EVC2: variants seen among roughly 807,000 people sequenced by gnomAD.
EVC2 encodes the protein EvC ciliary complex subunit 2.
A neutral mutation model predicts 149.3 loss-of-function variants in EVC2; 148 were observed. The ratio of observed to expected loss-of-function variants is 0.99; its 90% CI spans 0.87 to 1.14. The LOEUF (loss-of-function observed/expected upper bound fraction) is 1.14. Ranked by LOEUF, EVC2 falls within the 50% of genes most tolerant of loss-of-function variation. The probability of loss-of-function intolerance (pLI) is 0.00; values close to 1 mark genes in which losing one functional copy is unlikely to be tolerated. For missense variants in EVC2, 1,854 were observed against 1,627.3 expected, an observed-to-expected ratio of 1.14 and a Z score of -2.40; for synonymous variants, 776 against 649.9, an observed-to-expected ratio of 1.19 and a Z score of -2.95.
At chr4:5,552,503 A>T (rs577037665) in intron 21 of EVC2, among the ~76,000 whole-genome samples, 1 of 152,232 alleles carries the variant, frequency 6.6e-6, no homozygotes, top group Non-Finnish European at 1.5e-5. Flanking sequence ...TGACTTCAAA[A>T]TACCCTGGAA....
rs551456049 is a variant in EVC2, at chr4:5,600,758, G to A, written c.2829+14664C>T. 2.6e-5 allele frequency among the ~76,000 whole-genome samples: 4 copies of A among 152,314 alleles called. No homozygotes were observed. The East Asian group carries it at 7.7e-4, about 29-fold the overall frequency. ...CTAGAAGTGGGAGGTAAAAGATGGA[G>A]CTAAAACAGAAGAAAAGGATAAACA... On this transcript the variant is annotated intron_variant, in intron 16 of 21. Transcript: ENST00000344408.
In EVC2 at chr4:5,694,345, G is replaced by A; in HGVS notation, c.440C>T (p.Thr147Ile). Reference sequence around the variant, plus strand: ...GAACTTAATACTTACCAGGCGGTGTGTTATAGGAGACTCTCTTTTAAATAA... The same window carrying A: ...GAACTTAATACTTACCAGGCGGTGTATTATAGGAGACTCTCTTTTAAATAA... ...KNLFKRESPI[T>I]HRLYGDISRE... The change falls in exon 3 of 22, where the codon ACA becomes ATA. Residue 147 changes from threonine (T) to isoleucine (I), a missense_variant. By Grantham distance (89) the Thr-to-Ile change is moderately conservative (BLOSUM62 -1). Transcript: ENST00000344408. The A allele has an allele frequency of 1.2e-6, 2 of 1,614,012 alleles. No individual in the cohort carries two copies. The highest frequency in any genetic ancestry group is 1.7e-6 in the Non-Finnish European group (2 of 1,179,946).
At chr4:5,644,696 C>G (rs543678989) in intron 9 of EVC2, among the ~76,000 whole-genome samples, 1 of 152,132 alleles carries the variant, frequency 6.6e-6, no homozygotes, top group Non-Finnish European at 1.5e-5. Flanking sequence ...CTTCCCATAC[C>G]TGGGCTCCAG....
Position 5,689,694 on chromosome 4 carries a change from G to C in EVC2, c.520-351C>G, listed in dbSNP as rs529963112. Among the ~76,000 whole-genome samples, 4 of 152,300 alleles carry C rather than the reference G, an allele frequency of 2.6e-5. No individual in the cohort carries two copies. In the East Asian group the frequency reaches 5.8e-4, roughly 22 times the overall value. ...GTTACCAAGCAAACAATGGCTCCTT[G>C]GTACTTAGTTATTTTGAAGATTCAG... On this transcript the variant is annotated intron_variant, in intron 4 of 21. Transcript: ENST00000344408.
chr4:5,647,542 A>C (rs1286395639), intron 9 of EVC2, among the ~76,000 whole-genome samples: 1 of 152,362 alleles, frequency 6.6e-6, no homozygotes, highest in Admixed American at 6.5e-5. Context: ...CAGGTTACAA[A>C]GCAAGAAAGA....
chr4:5,693,619 C>T (rs1721269506), intron 3 of EVC2, among the ~76,000 whole-genome samples: 1 of 152,230 alleles, frequency 6.6e-6, no homozygotes, highest in Non-Finnish European at 1.5e-5. Context: ...AAAATACATT[C>T]CTGTTGTTTT....
intron 16 of EVC2, among the ~76,000 whole-genome samples, chr4:5,612,922 CAAAAAAAAAAAAAAAAA>C (rs34505528): frequency 3.7e-5 from 1 of 26,800 alleles, no homozygotes; most frequent in Non-Finnish European, 6.8e-5. Flanking sequence ...ACTCTGTCTC[CAAAAAAAAAAAAAAAAA>C]AAAAAAAAAA....
Position 5,631,841 on chromosome 4 carries a change from C to A in EVC2, c.1662G>T (p.Leu554Phe). 2 of 1,614,188 alleles carry A rather than the reference C, an allele frequency of 1.2e-6. No individual in the cohort carries two copies. Among genetic ancestry groups the A allele is most frequent in the Non-Finnish European group, 1.7e-6 (2 of 1,179,994 alleles). The change falls in exon 11 of 22, where the codon TTG becomes TTT. Residue 554 changes from leucine to phenylalanine, a missense_variant. By Grantham distance (22) the Leu-to-Phe change is conservative. Coordinates refer to ENST00000344408, the MANE Select transcript of EVC2 (RefSeq NM_147127.5). ...GCAGCATTTTAGCTGCCTCTGGTTT[C>A]AATTCCCCTTTGAAAATAGCACTTT... is the stretch of plus-strand genomic sequence containing the variant. ...QIKSAIFKGE[L>F]KPEAAKMLLQ...
chr4:5,591,952 A>C (rs1474211027), intron 16 of EVC2, among the ~76,000 whole-genome samples: 1 of 152,242 alleles, frequency 6.6e-6, no homozygotes, highest in Non-Finnish European at 1.5e-5. Flanking sequence ...ATTTCAAACA[A>C]AAAGTTTTTT....
At chr4:5,685,209 T>C (rs1285646434) in intron 6 of EVC2, among the ~76,000 whole-genome samples, 161 bp downstream of exon 6, 2 of 152,180 alleles carry the variant, frequency 1.3e-5, no homozygotes, top group Admixed American at 6.5e-5. Context: ...GCCCAGTTCA[T>C]GGCAAGGCGT....
chr4:5,612,948 A>AAAAAAC (rs1553828350), intron 16 of EVC2, among the ~76,000 whole-genome samples: 2 of 143,112 alleles, frequency 1.4e-5, no homozygotes, highest in African/African-American at 5.9e-5. Flanking sequence ...AAAAAAAAAA[A>AAAAAAC]AGAAATAATT....
At chr4:5,553,091 G>A (rs570687171) in intron 21 of EVC2, among the ~76,000 whole-genome samples, 24 of 152,262 alleles carry the variant, frequency 1.6e-4, no homozygotes, top group African/African-American at 5.8e-4. Flanking sequence ...AAAGGAAAGA[G>A]GCTTAATTAG....
rs1004098175 is a variant in EVC2 at position 5,613,457 on chromosome 4, G to C, written c.2829+1965C>G. On this transcript the variant is annotated intron_variant, in intron 16 of 21. Transcript: ENST00000344408. This position sits in a 1 kb window ranked among gnomAD's most constrained non-coding sequence, Gnocchi z 4.6. ...AGGGAAATGCTCCCTCTACCCCCGA[G>C]TATGGCTACTTCCTCCCTGTGCCAG... Among the ~76,000 whole-genome samples the C allele has an allele frequency of 6.6e-6, 1 of 152,178 alleles. No individual in the cohort carries two copies. The highest frequency in any genetic ancestry group is 1.5e-5 in the Non-Finnish European group (1 of 68,030).
rs1278515895 is a variant in EVC2, at chr4:5,696,560, T to C, written c.283+1033A>G. 2.6e-5 allele frequency among the ~76,000 whole-genome samples: 4 copies of C among 152,136 alleles called. No homozygotes were observed. The highest frequency in any genetic ancestry group is 4.8e-5 in the African/African-American group (2 of 41,428). ...AAGTCTGCGCTGCAGGTGCCAGCCA[T>C]GAGGCTCAGGAGCCAGGGACTGCCC... On this transcript the variant is annotated intron_variant, in intron 2 of 21. Transcript: ENST00000344408. This position sits in a 1 kb window ranked among gnomAD's most constrained non-coding sequence, Gnocchi z 4.1.
chr4:5,533,960 G>A, the EVC2 span, among the ~76,000 whole-genome samples: 1 of 152,230 alleles, frequency 6.6e-6, no homozygotes, highest in African/African-American at 2.4e-5. Context: ...GAATTGCGAT[G>A]AGCAAGGGGG....
chr4:5,555,354 G>T (rs1721819376), intron 21 of EVC2, among the ~76,000 whole-genome samples: 1 of 152,148 alleles, frequency 6.6e-6, no homozygotes, highest in Non-Finnish European at 1.5e-5. Flanking sequence ...ATCTATTAGA[G>T]ATTGTCAGAT....
rs899104948 is a variant in EVC2 at position 5,622,189 on chromosome 4, C to T, written c.2501+348G>A. ...AGGGGACATTTCTTATTAGGGGAAC[C>T]AGCACATTCCCATTTATCCCTGAGT... On this transcript the variant is annotated intron_variant, in intron 14 of 21. Coordinates refer to ENST00000344408, the MANE Select transcript of EVC2 (RefSeq NM_147127.5). The surrounding 1 kb of genome is among the most constrained non-coding windows in gnomAD (Gnocchi z 5.8). Among the ~76,000 whole-genome samples, 2 of 151,994 alleles carry T rather than the reference C, an allele frequency of 1.3e-5. No individual in the cohort carries two copies. Among genetic ancestry groups the T allele is most frequent in the African/African-American group, 4.8e-5 (2 of 41,390 alleles).
In EVC2 at chr4:5,562,838, T is replaced by C. The variant is rs770574777; in HGVS notation, c.*10A>G. On this transcript the variant is annotated 3_prime_UTR_variant, in exon 22 of 22. Coordinates refer to ENST00000344408, the MANE Select transcript of EVC2 (RefSeq NM_147127.5). This position sits in a 1 kb window ranked among gnomAD's most constrained non-coding sequence, Gnocchi z 4.3. ...TCTCTTCAGATGCTCCCGCAGGTCTTTCCCTTGGGCTAGTCCATGCCCAAG... is the reference window on the plus strand; with the variant it reads ...TCTCTTCAGATGCTCCCGCAGGTCTCTCCCTTGGGCTAGTCCATGCCCAAG... 1 of 1,613,644 alleles carries C rather than the reference T, an allele frequency of 6.2e-7. No homozygotes were observed. Among genetic ancestry groups the C allele is most frequent in the South Asian group, 1.1e-5 (1 of 91,066 alleles).
At chr4:5,639,317 C>T (rs1317926678) in intron 10 of EVC2, among the ~76,000 whole-genome samples, 1 of 152,206 alleles carries the variant, frequency 6.6e-6, no homozygotes, top group African/African-American at 2.4e-5. Context: ...AATGAATAAG[C>T]CATTTCTTTC....
Sources: allele counts gnomAD v4.1 joint callset (sites outside exome capture counted in the v4.1 genomes callset), GRCh38; gene constraint gnomAD v4.1.1; non-coding constraint Gnocchi (gnomAD v3.1); transcripts MANE v1.5; gene names NCBI Gene and HGNC (gene_info 2026-07-23, HGNC 2026-07-21).